Variants in AGGF1 observed in about 807,000 individuals in gnomAD.
AGGF1 encodes the protein angiogenic factor with G-patch and FHA domains 1.
Under a neutral mutation model 86.5 loss-of-function variants are expected in AGGF1, and 56 were observed. That is an observed-to-expected ratio of 0.65 (90% CI 0.52 to 0.81). The LOEUF (loss-of-function observed/expected upper bound fraction) is 0.81, where lower values mean the gene tolerates loss of function less well. Among genes scored for constraint, AGGF1 ranks in the 30% least tolerant of loss-of-function variants. The probability of loss-of-function intolerance (pLI) is 0.00; values close to 1 mark genes in which losing one functional copy is unlikely to be tolerated. For missense variants in AGGF1, 816 were observed against 850.9 expected (o/e 0.96, Z 0.51); for synonymous variants, 313 against 297.1 (o/e 1.05, Z -0.55).
intron 3 of AGGF1, chr5:77,036,195 CATTT>C: frequency 3.7e-6 from 1 of 269,566 alleles, no homozygotes; most frequent in Non-Finnish European, 7.1e-6. Flanking sequence ...TTTTCTCCTT[CATTT>C]GTCTTTTTGA....
chr5:77,030,840 T>C lies in AGGF1; in HGVS notation c.74T>C (p.Leu25Pro), dbSNP rs1162025876. ...PTSPEPELAQ[L>P]RRKVEKLERE... ...TCCCCCGAGCCTGAGCTGGCCCAGC[T>C]AAGGCGGAAGGTGGAGAAGTTGGAA... The change falls in exon 1 of 14, where the codon CTA (leucine) becomes CCA (proline). Residue 25 changes from leucine to proline, a missense_variant. Transcript: ENST00000312916. 3.1e-6 allele frequency: 5 copies of C among 1,611,974 alleles called. No individual in the cohort carries two copies. In the East Asian group the frequency reaches 6.7e-5, roughly 22 times the overall value.
intron 1 of AGGF1, among the ~76,000 whole-genome samples, chr5:77,033,490 C>T (rs1746909611): frequency 6.6e-6 from 1 of 152,202 alleles, no homozygotes; most frequent in East Asian, 1.9e-4. Flanking sequence ...TAGGGCAAGG[C>T]AATCAGGCTC....
intron 5 of AGGF1, among the ~76,000 whole-genome samples, chr5:77,040,100 C>T (rs7702327): frequency 0.85 from 129,273 of 151,294 alleles, 55,346 homozygotes; most frequent in Non-Finnish European, 0.87. Flanking sequence ...TTTTTACTTA[C>T]TAGGACAATT....
intron 5 of AGGF1, among the ~76,000 whole-genome samples, chr5:77,044,510 A>T (rs751345560): frequency 7.7e-4 from 117 of 152,322 alleles, no homozygotes; most frequent in Non-Finnish European, 1.4e-3. Flanking sequence ...TATGTGCCTC[A>T]GTGCCCATAA....
Position 77,047,665 on chromosome 5 carries a change from C to T in AGGF1, c.1202-496C>T, listed in dbSNP as rs575456267. On this transcript the variant is annotated intron_variant, in intron 6 of 13. Transcript: ENST00000312916. ...AGTTGCTGGGACTACAGGCGCATGT[C>T]ACCACGCACACCCAGCTAATTTTTG... Among the ~76,000 whole-genome samples the T allele has an allele frequency of 2.0e-5, 3 of 152,158 alleles. No individual in the cohort carries two copies. The South Asian group carries it at 6.2e-4, about 32-fold the overall frequency.
intron 3 of AGGF1, chr5:77,036,181 A>G: frequency 3.7e-6 from 1 of 268,948 alleles, no homozygotes; most frequent in South Asian, 4.5e-5. Context: ...CATTTAATCT[A>G]CAGTTTTCTC....
At chr5:77,044,817 A>G (rs1747214005) in intron 5 of AGGF1, among the ~76,000 whole-genome samples, 1 of 152,154 alleles carries the variant, frequency 6.6e-6, no homozygotes, top group African/African-American at 2.4e-5. Context: ...CGCTGTTATC[A>G]AAGATAGGTA....
chr5:77,040,682 G>GT (rs539355371), intron 5 of AGGF1, among the ~76,000 whole-genome samples: 1 of 152,192 alleles, frequency 6.6e-6, no homozygotes, highest in Non-Finnish European at 1.5e-5. Flanking sequence ...CTCTAAACAG[G>GT]TAAGTTTGGT....
At chr5:77,040,984 T>TC (rs1467112113) in intron 5 of AGGF1, among the ~76,000 whole-genome samples, 2 of 152,174 alleles carry the variant, frequency 1.3e-5, no homozygotes, top group African/African-American at 2.4e-5. Flanking sequence ...TACCTCAGCC[T>TC]CCCAAAGTGC....
intron 5 of AGGF1, among the ~76,000 whole-genome samples, chr5:77,042,149 G>A (rs1420104399): frequency 2.2e-4 from 34 of 152,070 alleles, no homozygotes; most frequent in Admixed American, 5.9e-4. Flanking sequence ...AGATCAACAG[G>A]ATCCCAAGGC....
intron 4 of AGGF1, 57 bp downstream of exon 4, chr5:77,036,777 A>T: frequency 6.3e-7 from 1 of 1,586,658 alleles, no homozygotes; most frequent in Non-Finnish European, 8.6e-7. Context: ...TCCCTCTGTC[A>T]CCCCGGCTGG....
chr5:77,040,635 A>C (rs1358251613), intron 5 of AGGF1, among the ~76,000 whole-genome samples: 2 of 152,242 alleles, frequency 1.3e-5, no homozygotes, highest in African/African-American at 2.4e-5. Context: ...TGAAAGAAGG[A>C]AAATATAAAA....
intron 5 of AGGF1, among the ~76,000 whole-genome samples, chr5:77,043,517 G>A (rs1380336474): frequency 7.4e-5 from 10 of 135,880 alleles, no homozygotes; most frequent in South Asian, 2.4e-4. Flanking sequence ...CGGACGGGGC[G>A]GCTGGCCGGG....
rs1325457641 is a variant in AGGF1 at position 77,030,962 on chromosome 5, G to A, written c.196G>A (p.Glu66Lys). The A allele has an allele frequency of 6.2e-7, 1 of 1,612,308 alleles. No individual in the cohort carries two copies. Among genetic ancestry groups the A allele is most frequent in the Non-Finnish European group, 8.5e-7 (1 of 1,179,970 alleles). Reference protein sequence around the residue: ...LYQNAESNNQELRTQVEELSK... With the variant: ...LYQNAESNNQKLRTQVEELSK... Reference sequence around the variant, plus strand: ...CCAGAACGCAGAAAGCAACAACCAGGAGCTCCGCACGCAGGTGCGCGGTCC... The same window carrying A: ...CCAGAACGCAGAAAGCAACAACCAGAAGCTCCGCACGCAGGTGCGCGGTCC... The change falls in exon 1 of 14, where the codon GAG (glutamate) becomes AAG (lysine). Residue 66 changes from glutamate (E) to lysine (K), a missense_variant. Glu to Lys is a moderately conservative substitution (Grantham distance 56). Transcript: ENST00000312916.
At chr5:77,050,193 AAAT>A (rs1747344744) in intron 8 of AGGF1, among the ~76,000 whole-genome samples, 1 of 151,996 alleles carries the variant, frequency 6.6e-6, no homozygotes, top group South Asian at 2.1e-4. Flanking sequence ...GCCTCCAAAA[AAAT>A]AAAACAACAC....
intron 5 of AGGF1, among the ~76,000 whole-genome samples, chr5:77,044,256 C>T (rs1039899740): frequency 6.6e-5 from 10 of 151,772 alleles, no homozygotes; most frequent in East Asian, 1.9e-4. Flanking sequence ...TGTAGTGAGC[C>T]GAGATCACGC....
Position 77,035,575 on chromosome 5 carries a change from T to G in AGGF1, c.348T>G (p.Ser116Arg). 1.2e-6 allele frequency: 2 copies of G among 1,613,404 alleles called. No individual in the cohort carries two copies. The highest frequency in any genetic ancestry group is 1.7e-6 in the Non-Finnish European group (2 of 1,179,586). The change falls in exon 3 of 14, where the codon AGT becomes AGG. Residue 116 changes from serine (S) to arginine (R), a missense_variant. Ser to Arg is a moderately radical substitution (Grantham distance 110, BLOSUM62 -1). Coordinates refer to ENST00000312916, the MANE Select transcript of AGGF1 (RefSeq NM_018046.5). ...ATCAGACGTACTACAATGACGTTAG[T>G]CTTCCAAATAAAGTGACTGAACTGT... ...YFYQTYYNDV[S>R]LPNKVTELSD...
chr5:77,040,709 A>G (rs1202412849), intron 5 of AGGF1, among the ~76,000 whole-genome samples: 1 of 152,238 alleles, frequency 6.6e-6, no homozygotes, highest in African/African-American at 2.4e-5. Context: ...TAGGTTATAA[A>G]GGAGGCTTGT....
At chr5:77,049,691 AG>A (rs1747334678) in intron 8 of AGGF1, among the ~76,000 whole-genome samples, 1 of 151,890 alleles carries the variant, frequency 6.6e-6, no homozygotes, top group South Asian at 2.1e-4. Context: ...CTGGGACTAC[AG>A]GCATACTCTA....
Sources: allele counts gnomAD v4.1 joint callset (sites outside exome capture counted in the v4.1 genomes callset), GRCh38; gene constraint gnomAD v4.1.1; transcripts MANE v1.5; gene names NCBI Gene and HGNC (gene_info 2026-07-23, HGNC 2026-07-21).